GLB1L2: variants seen among roughly 807,000 people sequenced by gnomAD.
GLB1L2 encodes galactosidase beta 1 like 2.
Under a neutral mutation model 84.1 loss-of-function variants are expected in GLB1L2, and 68 were observed. The observed-to-expected ratio is 0.81, with a 90% CI of 0.67 to 0.99. GLB1L2 has a LOEUF of 0.99. GLB1L2 is among the 50% of genes least tolerant of loss of function. The probability of loss-of-function intolerance (pLI) is 0.00; values close to 1 mark genes in which losing one functional copy is unlikely to be tolerated. For synonymous variants in GLB1L2, 290 were observed against 318.0 expected (o/e 0.91, Z 0.94); for missense variants, 762 against 805.6 (o/e 0.95, Z 0.66).
intron 7 of GLB1L2, chr11:134,360,649 C>T (rs978930782): frequency 1.3e-5 from 2 of 151,610 alleles, no homozygotes; most frequent in African/African-American, 4.9e-5. Context: ...ACCTGCTGCC[C>T]GGAATAACTT....
chr11:134,336,237 A>C (rs934674313), intron 1 of GLB1L2, among the ~76,000 whole-genome samples: 3 of 152,106 alleles, frequency 2.0e-5, no homozygotes, highest in African/African-American at 7.2e-5. Context: ...TTCCCTTAAG[A>C]AGTTATTTTG....
chr11:134,374,676 G>A lies in GLB1L2; in HGVS notation c.1782G>A (p.Thr594=), dbSNP rs145307661. The part of the protein sequence containing the change: ...GRYWNIGPQK[T]LYLPGPWLSS... ...ACTGGAACATTGGACCCCAGAAGAC[G>A]CTTTACCTCCCAGGTCCCTGGTTGA... is the stretch of plus-strand genomic sequence containing the variant. The change falls in exon 18 of 19, where the codon ACG becomes ACA. Residue 594 remains threonine, a synonymous_variant. Coordinates refer to ENST00000535456, the MANE Select transcript of GLB1L2 (RefSeq NM_001370461.1). The A allele has an allele frequency of 3.0e-5, 49 of 1,613,986 alleles. No homozygotes were observed. The African/African-American group carries it at 3.1e-4, about 10-fold the overall frequency.
chr11:134,340,618 C>T (rs544384615), intron 1 of GLB1L2, among the ~76,000 whole-genome samples: 1 of 152,288 alleles, frequency 6.6e-6, no homozygotes, highest in African/African-American at 2.4e-5. Context: ...CCAGAGGGGC[C>T]GAGGCCTTGT....
intron 5 of GLB1L2, among the ~76,000 whole-genome samples, chr11:134,355,705 G>A (rs1487676044): frequency 6.6e-6 from 1 of 152,108 alleles, no homozygotes; most frequent in Non-Finnish European, 1.5e-5. Context: ...GGCATCCAAG[G>A]CTTTATAGTC....
intron 7 of GLB1L2, among the ~76,000 whole-genome samples, chr11:134,361,969 C>T (rs1943798345): frequency 6.6e-6 from 1 of 152,168 alleles, no homozygotes; most frequent in South Asian, 2.1e-4. Context: ...TGCTGCTGCG[C>T]ATCCGGGGAG....
chr11:134,362,763 G>A (rs987530105), intron 7 of GLB1L2, among the ~76,000 whole-genome samples: 4 of 152,230 alleles, frequency 2.6e-5, no homozygotes, highest in Non-Finnish European at 5.9e-5. Context: ...GGCCCCCGAG[G>A]AGGGGATGGG....
intron 13 of GLB1L2, 72 bp downstream of exon 13, chr11:134,371,220 C>A: frequency 6.4e-7 from 1 of 1,558,990 alleles, no homozygotes; most frequent in South Asian, 1.1e-5. Flanking sequence ...CATGCCCTCC[C>A]CTCAGAATCA....
At chr11:134,357,535 C>T (rs991105369) in intron 6 of GLB1L2, among the ~76,000 whole-genome samples, 1 of 152,254 alleles carries the variant, frequency 6.6e-6, no homozygotes, top group African/African-American at 2.4e-5. Flanking sequence ...TGCGATACCC[C>T]ATTCCCGCAG....
At chr11:134,362,112 C>G (rs1435097287) in intron 7 of GLB1L2, among the ~76,000 whole-genome samples, 1 of 152,206 alleles carries the variant, frequency 6.6e-6, no homozygotes, top group Non-Finnish European at 1.5e-5. Flanking sequence ...TTGTCTACGT[C>G]TTTTCTGTTC....
intron 5 of GLB1L2, among the ~76,000 whole-genome samples, chr11:134,355,156 T>C (rs1017326284): frequency 6.6e-6 from 1 of 152,202 alleles, no homozygotes; most frequent in African/African-American, 2.4e-5. Flanking sequence ...ATATATGGTA[T>C]ATTTCAGCCC....
Position 134,372,045 on chromosome 11 carries a change from C to T in GLB1L2, c.1507+215C>T, listed in dbSNP as rs557328670. ...TAGCACTGCACGCGTGCATCGTCTG[C>T]GTGCTCGTGATAAACACTGTGAACA... On this transcript the variant is annotated intron_variant, in intron 15 of 18. Transcript: ENST00000535456. 1.4e-3 allele frequency among the ~76,000 whole-genome samples: 212 copies of T among 152,316 alleles called. 1 individual carries two copies. Among genetic ancestry groups the T allele is most frequent in the African/African-American group, 4.7e-3 (194 of 41,568 alleles).
rs1401427487 is a variant in GLB1L2 at position 134,370,293 on chromosome 11, G to A, written c.1109G>A (p.Gly370Asp). 6.2e-7 allele frequency: 1 copy of A among 1,613,226 alleles called. No individual in the cohort carries two copies. Among genetic ancestry groups the A allele is most frequent in the Non-Finnish European group, 8.5e-7 (1 of 1,179,298 alleles). ...GGTGACCCTGTTTTCTGTGTTGCAG[G>A]CATCCCTCTCCCTCCCCCACCTGAC... ...KLRDFFGSIS[G>D]IPLPPPPDLL... Residue 370 changes from glycine (G) to aspartate (D), a missense_variant and splice_region_variant, in exon 12 of 19, where the codon GGC (glycine) becomes GAC (aspartate). Physicochemically the swap from Gly to Asp is moderately conservative, Grantham distance 94. This residue lies in a region of GLB1L2 where 603 missense variants were observed against 611.7 expected (regional missense o/e 0.99). Coordinates refer to ENST00000535456, the MANE Select transcript of GLB1L2 (RefSeq NM_001370461.1). This position sits in a 1 kb window ranked among gnomAD's most constrained non-coding sequence, Gnocchi z 4.7.
chr11:134,344,271 C>T (rs1943512814), intron 2 of GLB1L2, 116 bp from the exon 3 acceptor site: 3 of 1,296,326 alleles, frequency 2.3e-6, no homozygotes, highest in Non-Finnish European at 3.4e-6. Context: ...GTCCTAAAAT[C>T]ATGAAGAAAC....
At chr11:134,347,847 G>A (rs73604950) in intron 5 of GLB1L2, among the ~76,000 whole-genome samples, 5,085 of 152,306 alleles carry the variant, frequency 0.033, 277 homozygotes, top group African/African-American at 0.11. Flanking sequence ...TGGAGCACAT[G>A]TGGATTAACC....
At chr11:134,355,221 CT>C (rs1440383586) in intron 5 of GLB1L2, among the ~76,000 whole-genome samples, 1 of 152,092 alleles carries the variant, frequency 6.6e-6, no homozygotes, top group Non-Finnish European at 1.5e-5. Context: ...TTGATATTCT[CT>C]TTTTCTTCAT....
chr11:134,342,660 G>T (rs1312475853), intron 1 of GLB1L2, 94 bp from the exon 2 acceptor site: 20 of 1,281,274 alleles, frequency 1.6e-5, no homozygotes, highest in Non-Finnish European at 2.2e-5. Flanking sequence ...AGGCGCCCTC[G>T]AGAGAGAAAT....
chr11:134,336,595 T>G (rs1943391734), intron 1 of GLB1L2, among the ~76,000 whole-genome samples: 1 of 152,206 alleles, frequency 6.6e-6, no homozygotes, highest in Non-Finnish European at 1.5e-5. Flanking sequence ...AGATTCATTT[T>G]AAATCTTGAT....
intron 5 of GLB1L2, chr11:134,356,007 AC>A (rs1943695821): frequency 1.8e-6 from 1 of 550,264 alleles, no homozygotes; most frequent in Admixed American, 2.2e-5. Flanking sequence ...ACAATTTTGT[AC>A]CATTTTGCAT....
intron 7 of GLB1L2, 98 bp from the exon 8 acceptor site, chr11:134,364,230 T>G (rs139082936): frequency 1.2e-4 from 114 of 916,178 alleles, no homozygotes; most frequent in Non-Finnish European, 1.7e-4. Flanking sequence ...GCCGCTTACT[T>G]TATTGTGCTG....
Sources: allele counts gnomAD v4.1 joint callset (sites outside exome capture counted in the v4.1 genomes callset), GRCh38; gene constraint gnomAD v4.1.1; regional missense constraint gnomAD v4.1.1; non-coding constraint Gnocchi (gnomAD v3.1); transcripts MANE v1.5; gene names NCBI Gene and HGNC (gene_info 2026-07-23, HGNC 2026-07-21).